The following MARCHF1 variants were observed in gnomAD, a reference collection of about 807,000 sequenced individuals.
MARCHF1 encodes the protein membrane associated ring-CH-type finger 1.
Under a neutral mutation model 54.2 loss-of-function variants are expected in MARCHF1, and 40 were observed. The observed-to-expected ratio is 0.74, with a 90% CI of 0.57 to 0.96. The LOEUF (loss-of-function observed/expected upper bound fraction) is 0.96. Among genes scored for constraint, MARCHF1 ranks in the 40% least tolerant of loss-of-function variants. The pLI is 0.00. For missense variants in MARCHF1, 586 were observed against 656.5 expected, an observed-to-expected ratio of 0.89 and a Z score of 1.17; for synonymous variants, 236 against 236.3, an observed-to-expected ratio of 1.00 and a Z score of 0.01.
At chr4:163,897,523 C>T (rs1050830125) in intron 3 of MARCHF1, among the ~76,000 whole-genome samples, 1 of 152,174 alleles carries the variant, frequency 6.6e-6, no homozygotes, top group African/African-American at 2.4e-5. Flanking sequence ...AAAATAGACA[C>T]ATAGGTACAT....
At chr4:164,033,787 G>A (rs138103519) in intron 2 of MARCHF1, among the ~76,000 whole-genome samples, 2,062 of 152,244 alleles carry the variant, frequency 0.014, 38 homozygotes, top group African/African-American at 0.044. Flanking sequence ...ATGCTGGTGA[G>A]GCTGTGGAGA....
chr4:163,930,623 A>G (rs1407693251), intron 3 of MARCHF1, among the ~76,000 whole-genome samples: 1 of 152,084 alleles, frequency 6.6e-6, no homozygotes. Flanking sequence ...CATATTTTGA[A>G]AACACAGAGT....
intron 1 of MARCHF1, among the ~76,000 whole-genome samples, chr4:164,345,227 C>T (rs1038857572): frequency 6.6e-6 from 1 of 151,976 alleles, no homozygotes; most frequent in African/African-American, 2.4e-5. Flanking sequence ...TAAAACATTA[C>T]GATGTACTCC....
At chr4:164,016,106 A>C (rs973292672) in intron 2 of MARCHF1, among the ~76,000 whole-genome samples, 7 of 152,202 alleles carry the variant, frequency 4.6e-5, no homozygotes, top group Non-Finnish European at 1.0e-4. Context: ...TACATATTGT[A>C]TTAGTCTGTT....
chr4:164,364,036 T>G (rs1207619428), intron 1 of MARCHF1, among the ~76,000 whole-genome samples: 1 of 152,098 alleles, frequency 6.6e-6, no homozygotes, highest in Non-Finnish European at 1.5e-5. Context: ...GATTTTATCA[T>G]TATTATATTG....
At chr4:163,878,280 T>A (rs960118015) in intron 3 of MARCHF1, among the ~76,000 whole-genome samples, 2 of 152,206 alleles carry the variant, frequency 1.3e-5, no homozygotes, top group African/African-American at 4.8e-5. Flanking sequence ...CAGGAGAACA[T>A]GGCTTTGCTA....
At chr4:164,043,658 A>G (rs569397847) in intron 2 of MARCHF1, among the ~76,000 whole-genome samples, 1 of 152,312 alleles carries the variant, frequency 6.6e-6, no homozygotes, top group Admixed American at 6.5e-5. Flanking sequence ...GCAAACTTCT[A>G]CAGCCAGTTT....
rs191934865 is a variant in MARCHF1 at position 163,890,010 on chromosome 4, C to T, written c.-38-35841G>A. ...CACTGTTTCGGCTCACTGCAAGCTC[C>T]GCCGCCCGGGTTCACACCATTCTCC... On this transcript the variant is annotated intron_variant, in intron 3 of 9. Transcript: ENST00000514618. Among the ~76,000 whole-genome samples, 567 of 149,534 alleles carry T rather than the reference C, an allele frequency of 3.8e-3. 1 individual carries two copies. Among genetic ancestry groups the T allele is most frequent in the Non-Finnish European group, 6.4e-3 (435 of 67,524 alleles).
rs151027720 is a variant in MARCHF1, at chr4:164,379,477, A to G, written c.-323+4393T>C. Among the ~76,000 whole-genome samples the G allele has an allele frequency of 9.7e-4, 148 of 152,306 alleles. 1 individual carries two copies. Among genetic ancestry groups the G allele is most frequent in the African/African-American group, 3.4e-3 (141 of 41,574 alleles). On this transcript the variant is annotated intron_variant, in intron 1 of 9. Transcript: ENST00000514618. ...GAAGATAATAGTCAAGAATTCACCA[A>G]TGAATTTCACCTGATGAAAGATAAC...
At chr4:164,043,125 A>G (rs1003630796) in intron 2 of MARCHF1, among the ~76,000 whole-genome samples, 4 of 152,128 alleles carry the variant, frequency 2.6e-5, no homozygotes, top group Admixed American at 1.3e-4. Context: ...TGGGGTATGG[A>G]GGATGATGGC....
At chr4:164,301,017 A>G (rs1231132837) in intron 1 of MARCHF1, among the ~76,000 whole-genome samples, 1 of 151,988 alleles carries the variant, frequency 6.6e-6, no homozygotes, top group Admixed American at 6.6e-5. Flanking sequence ...CAGCATGTTT[A>G]GTTGCCTAGC....
chr4:163,918,405 C>G (rs1290525068), intron 3 of MARCHF1, among the ~76,000 whole-genome samples: 1 of 152,046 alleles, frequency 6.6e-6, no homozygotes, highest in African/African-American at 2.4e-5. Flanking sequence ...GGTGTCTACT[C>G]TAAGAGCACA....
At chr4:163,703,167 A>G (rs2111235883) in intron 4 of MARCHF1, among the ~76,000 whole-genome samples, 1 of 152,306 alleles carries the variant, frequency 6.6e-6, no homozygotes, top group South Asian at 2.1e-4. Context: ...ATTCACAGGT[A>G]TAAGAAACAC....
At chr4:163,553,885 T>G (rs1722267584) in intron 8 of MARCHF1, among the ~76,000 whole-genome samples, 1 of 152,208 alleles carries the variant, frequency 6.6e-6, no homozygotes, top group Non-Finnish European at 1.5e-5. Flanking sequence ...GATGCTATTC[T>G]AACAAACTTA....
At chr4:163,636,438 C>T (rs1460393737) in intron 5 of MARCHF1, among the ~76,000 whole-genome samples, 8 of 145,568 alleles carry the variant, frequency 5.5e-5, no homozygotes, top group Non-Finnish European at 7.6e-5. Flanking sequence ...ACAAGCATTC[C>T]TATACACCAA....
chr4:163,713,595 C>T (rs1745171040), intron 4 of MARCHF1, among the ~76,000 whole-genome samples: 1 of 152,196 alleles, frequency 6.6e-6, no homozygotes, highest in Admixed American at 6.5e-5. Context: ...TGTCTACATA[C>T]AGCCTGTATG....
intron 1 of MARCHF1, among the ~76,000 whole-genome samples, chr4:164,347,008 T>G (rs1232671892): frequency 6.6e-6 from 1 of 152,156 alleles, no homozygotes; most frequent in African/African-American, 2.4e-5. Flanking sequence ...CATTTTATCC[T>G]GGCATTCACA....
intron 5 of MARCHF1, among the ~76,000 whole-genome samples, chr4:163,650,292 T>G (rs1742919083): frequency 6.6e-6 from 1 of 151,970 alleles, no homozygotes; most frequent in African/African-American, 2.4e-5. Context: ...AAAACAAAGC[T>G]ACTTTATAAG....
chr4:163,831,938 T>C (rs770837169), intron 4 of MARCHF1, among the ~76,000 whole-genome samples: 6 of 152,184 alleles, frequency 3.9e-5, no homozygotes, highest in Non-Finnish European at 7.3e-5. Flanking sequence ...GTTTGTGTTA[T>C]AGAGAGTGGC....
Sources: allele counts gnomAD v4.1 joint callset (sites outside exome capture counted in the v4.1 genomes callset), GRCh38; gene constraint gnomAD v4.1.1; transcripts MANE v1.5; gene names NCBI Gene and HGNC (gene_info 2026-07-23, HGNC 2026-07-21).